The following CDKL3 variants were observed in gnomAD, a reference collection of about 807,000 sequenced individuals.
The protein encoded by CDKL3 is cyclin dependent kinase like 3, also known as cyclin-dependent kinase-like 3.
A neutral mutation model predicts 69.3 loss-of-function variants in CDKL3; 65 were observed. The ratio of observed to expected loss-of-function variants is 0.94; its 90% CI spans 0.77 to 1.15. The LOEUF is 1.15. Among genes scored for constraint, CDKL3 ranks in the 50% most tolerant of loss-of-function variants. CDKL3 has a pLI of 0.00. For synonymous variants in CDKL3, 202 were observed against 221.6 expected, an observed-to-expected ratio of 0.91 and a Z score of 0.79; for missense variants, 652 against 689.2, an observed-to-expected ratio of 0.95 and a Z score of 0.61.
chr5:134,319,388 C>G lies in CDKL3; in HGVS notation c.762G>C (p.Lys254Asn). The change falls in exon 6 of 13, where the codon AAG becomes AAC. Residue 254 changes from lysine to asparagine, a missense_variant. Coordinates refer to ENST00000265334, the MANE Select transcript of CDKL3 (RefSeq NM_001113575.2). ...CTATATCTGCCAACAATCCATTAAG[C>G]TTTGGATATTTTTTTCTTGCATTTT... ...HPKNARKKYP[K>N]LNGLLADIVH... is the part of the protein sequence containing the mutation. The G allele has an allele frequency of 6.5e-7, 1 of 1,530,770 alleles. No homozygotes were observed. Among genetic ancestry groups the G allele is most frequent in the East Asian group, 2.5e-5 (1 of 40,422 alleles). 94.8% of individuals were successfully genotyped at this position (1,530,770 alleles called of 1,614,324 possible).
In CDKL3 at chr5:134,350,436, C is replaced by A; in HGVS notation, c.361-9G>T. On this transcript the variant is annotated splice_polypyrimidine_tract_variant and intron_variant, in intron 3 of 12. Coordinates refer to ENST00000265334, the MANE Select transcript of CDKL3 (RefSeq NM_001113575.2). ...ATATCTCGATGAATGATCTAAAAAA[C>A]AAACAGAATACAAAATACATTAAAA... 6.7e-7 allele frequency: 1 copy of A among 1,499,518 alleles called. No individual in the cohort carries two copies. Among genetic ancestry groups the A allele is most frequent in the Non-Finnish European group, 9.1e-7 (1 of 1,102,528 alleles). 92.9% of individuals were successfully genotyped at this position (1,499,518 alleles called of 1,614,324 possible). A position where few individuals can be genotyped will look rare whatever the true frequency, so the allele number is the denominator to read the frequency against.
At position 134,349,403 on chromosome 5, in the gene CDKL3, T is replaced by C. The variant is rs557378932; in HGVS notation, c.539+846A>G. Among the ~76,000 whole-genome samples the C allele has an allele frequency of 4.6e-5, 7 of 152,240 alleles. No individual in the cohort carries two copies. The South Asian group carries it at 1.5e-3, about 32-fold the overall frequency. On this transcript the variant is annotated intron_variant, in intron 4 of 12. Coordinates refer to ENST00000265334, the MANE Select transcript of CDKL3 (RefSeq NM_001113575.2). ...TGCTACTTTTGAAGTAATTCTCCTG[T>C]TTCAGCCTCCCGAGTAGCTGGGACT...
chr5:134,320,115 T>C (rs1000881369), intron 5 of CDKL3, among the ~76,000 whole-genome samples: 1 of 152,190 alleles, frequency 6.6e-6, no homozygotes, highest in African/African-American at 2.4e-5. Flanking sequence ...CCTTCTAATA[T>C]TAATCTCTTA....
chr5:134,308,712 C>T lies in CDKL3; in HGVS notation c.897G>A (p.Leu299=). Residue 299 remains leucine, a synonymous_variant, in exon 8 of 13, where the codon CTG becomes CTA. Coordinates refer to ENST00000265334, the MANE Select transcript of CDKL3 (RefSeq NM_001113575.2). ...DGFIEKFMPE[L]KAKLLQEAKV... ...TTGCTTCCTGCAGTAATTTAGCTTT[C>T]AGTTCTGGCATGAATCTGACAAAAC... 1 of 1,591,874 alleles carries T rather than the reference C, an allele frequency of 6.3e-7. No individual in the cohort carries two copies. Among genetic ancestry groups the T allele is most frequent in the Non-Finnish European group, 8.5e-7 (1 of 1,174,410 alleles).
rs759583636 is a variant in CDKL3, at chr5:134,350,418, G to A, written c.370C>T (p.Arg124Ter). The part of the protein sequence containing the change: ...DYLHSNNIIH[R>*]DIKPENILVS... ...AAAATATTCTCAGGTTTTATATCTC[G>A]ATGAATGATCTAAAAAACAAACAGA... The change falls in exon 4 of 13, where the codon CGA becomes TGA. Residue 124 changes from arginine (R) to a stop codon, truncating the protein, a stop_gained. Transcript: ENST00000265334. LOFTEE classifies it high-confidence loss of function. 5.8e-6 allele frequency: 9 copies of A among 1,541,646 alleles called. No individual in the cohort carries two copies. The highest frequency in any genetic ancestry group is 2.4e-5 in the South Asian group (2 of 82,970).
chr5:134,306,697 G>A lies in CDKL3; in HGVS notation c.1370C>T (p.Thr457Ile). 2 of 1,374,340 alleles carry A rather than the reference G, an allele frequency of 1.5e-6. No homozygotes were observed. The highest frequency in any genetic ancestry group is 1.9e-6 in the Non-Finnish European group (2 of 1,039,052). The allele number at this position is 1,374,340 out of a possible 1,614,324, so 85.1% of individuals were successfully genotyped here. The change falls in exon 10 of 13, where the codon ACT becomes ATT. Residue 457 changes from threonine (T) to isoleucine (I), a missense_variant. Coordinates refer to ENST00000265334, the MANE Select transcript of CDKL3 (RefSeq NM_001113575.2). Reference protein sequence around the residue: ...SNLFHPSVRLTERAKKRRTSS... With the variant: ...SNLFHPSVRLIERAKKRRTSS... ...AGTGCGTCTCTTTTTTGCTCTTTCA[G>A]TTAACCTATTATTTAAAAATGAATG... is the stretch of plus-strand genomic sequence containing the variant.
chr5:134,311,497 C>A (rs1331338731), intron 7 of CDKL3, among the ~76,000 whole-genome samples: 1 of 150,596 alleles, frequency 6.6e-6, no homozygotes, highest in Non-Finnish European at 1.5e-5. Context: ...CAAAGCGAGA[C>A]TTCATCTCAA....
intron 4 of CDKL3, among the ~76,000 whole-genome samples, chr5:134,343,041 C>A (rs562512382): frequency 2.0e-5 from 3 of 151,986 alleles, no homozygotes; most frequent in Admixed American, 2.0e-4. Flanking sequence ...CCCGTCTCTA[C>A]AAAAAATTTA....
At chr5:134,360,118 TTTTAA>T in intron 2 of CDKL3, 27 bp from the exon 3 acceptor site, 1 of 1,440,094 alleles carries the variant, frequency 6.9e-7, no homozygotes, top group Non-Finnish European at 9.4e-7. Context: ...CAACACAAAT[TTTTAA>T]TTATTTCAAG....
Position 134,350,467 on chromosome 5 carries a change from T to A in CDKL3, c.361-40A>T, listed in dbSNP as rs1241549773. 3.0e-6 allele frequency: 4 copies of A among 1,338,804 alleles called. No homozygotes were observed. The East Asian group carries it at 1.0e-4, about 34-fold the overall frequency. The allele number at this position is 1,338,804 out of a possible 1,614,324, so 82.9% of individuals were successfully genotyped here. A position where few individuals can be genotyped will look rare whatever the true frequency, so the allele number is the denominator to read the frequency against. ...GAATACAAAATACATTAAAATGAGA[T>A]TTCATTATCCAGAATCTCTCAAAAA... On this transcript the variant is annotated intron_variant, in intron 3 of 12. Coordinates refer to ENST00000265334, the MANE Select transcript of CDKL3 (RefSeq NM_001113575.2).
At chr5:134,303,061 G>A (rs1480064842) in intron 11 of CDKL3, among the ~76,000 whole-genome samples, 21 of 151,818 alleles carry the variant, frequency 1.4e-4, no homozygotes, top group Admixed American at 1.3e-3. Flanking sequence ...AGACAAAAGT[G>A]CGTTTCATTC....
chr5:134,308,992 G>T (rs137920297), intron 7 of CDKL3, among the ~76,000 whole-genome samples: 1 of 152,112 alleles, frequency 6.6e-6, no homozygotes, highest in Admixed American at 6.5e-5. Context: ...TTCCTTCTGC[G>T]ATGCAAACTT....
At chr5:134,318,151 G>A (rs758508136) in intron 6 of CDKL3, among the ~76,000 whole-genome samples, 4 of 151,422 alleles carry the variant, frequency 2.6e-5, no homozygotes, top group Admixed American at 1.3e-4. Flanking sequence ...CCCAGGAGGC[G>A]GAGGTTGTGG....
intron 7 of CDKL3, among the ~76,000 whole-genome samples, chr5:134,309,238 A>T (rs1172079598): frequency 6.6e-6 from 1 of 152,070 alleles, no homozygotes; most frequent in Non-Finnish European, 1.5e-5. Flanking sequence ...ATGTGCCACC[A>T]CACCCAGCTA....
chr5:134,363,421 G>A (rs890991515), intron 2 of CDKL3, among the ~76,000 whole-genome samples: 5 of 146,896 alleles, frequency 3.4e-5, no homozygotes, highest in East Asian at 2.0e-4. Flanking sequence ...AGCCTCTTGT[G>A]TAGCTGGGAT....
At chr5:134,296,952 CTTTT>C (rs111349325), downstream of CDKL3, among the ~76,000 whole-genome samples, 1 of 131,286 alleles carries the variant, frequency 7.6e-6, no homozygotes. Context: ...CTTTTCTTTT[CTTTT>C]TTTTTTTTTT....
At chr5:134,305,831 C>T (rs1474525624) in intron 10 of CDKL3, among the ~76,000 whole-genome samples, 1 of 151,778 alleles carries the variant, frequency 6.6e-6, no homozygotes. Context: ...GTCCCATTAG[C>T]GATGAATAAT....
At chr5:134,317,408 C>T (rs1213125281) in intron 6 of CDKL3, among the ~76,000 whole-genome samples, 1 of 152,148 alleles carries the variant, frequency 6.6e-6, no homozygotes, top group Non-Finnish European at 1.5e-5. Context: ...CCCGCCTCAG[C>T]CTCCCAAAGT....
chr5:134,308,652 A>T lies in CDKL3; in HGVS notation c.957T>A (p.Ser319=), dbSNP rs772832504. 1 of 1,610,074 alleles carries T rather than the reference A, an allele frequency of 6.2e-7. No individual in the cohort carries two copies. Among genetic ancestry groups the T allele is most frequent in the Non-Finnish European group, 8.5e-7 (1 of 1,178,608 alleles). ...VNSLIKPKES[S]KENELRKDER... Reference sequence around the variant, plus strand: ...CATCTTTCCTGAGTTCATTTTCTTTAGAACTCTCTTTTGGCTTTATTAATG... The same window carrying T: ...CATCTTTCCTGAGTTCATTTTCTTTTGAACTCTCTTTTGGCTTTATTAATG... Residue 319 remains serine (S), a synonymous_variant, in exon 8 of 13, where the codon TCT becomes TCA. Transcript: ENST00000265334.
Sources: allele counts gnomAD v4.1 joint callset (sites outside exome capture counted in the v4.1 genomes callset), GRCh38; gene constraint gnomAD v4.1.1; transcripts MANE v1.5; gene names NCBI Gene and HGNC (gene_info 2026-07-23, HGNC 2026-07-21).